Variants in EGF observed in about 807,000 individuals in gnomAD.
EGF encodes the protein epidermal growth factor.
A neutral mutation model predicts 143.8 loss-of-function variants in EGF; 95 were observed. The ratio of observed to expected loss-of-function variants is 0.66; its 90% CI spans 0.56 to 0.78. The LOEUF (loss-of-function observed/expected upper bound fraction) is 0.78, where lower values mean the gene tolerates loss of function less well. Ranked by LOEUF, EGF falls within the 30% of genes least tolerant of loss-of-function variation. The pLI is 0.00. For missense variants in EGF, 1,320 were observed against 1,470.9 expected, an observed-to-expected ratio of 0.90 and a Z score of 1.68; for synonymous variants, 510 against 510.5, an observed-to-expected ratio of 1.00 and a Z score of 0.01.
At chr4:109,924,165 A>G (rs1738252858) in intron 1 of EGF, among the ~76,000 whole-genome samples, 1 of 151,650 alleles carries the variant, frequency 6.6e-6, no homozygotes, top group South Asian at 2.1e-4. Flanking sequence ...GCTTCTTATT[A>G]TGGATGAGAG....
chr4:109,976,649 A>AT (rs1271131020), intron 13 of EGF, among the ~76,000 whole-genome samples: 1 of 152,160 alleles, frequency 6.6e-6, no homozygotes. Flanking sequence ...TTATTTTCAG[A>AT]TTTTACATGG....
chr4:109,980,173 G>A (rs1257510606), intron 14 of EGF, 34 bp downstream of exon 14: 3 of 1,551,096 alleles, frequency 1.9e-6, no homozygotes, highest in African/African-American at 2.8e-5. Flanking sequence ...GTCTTTCCTT[G>A]GCTGGAATCT....
chr4:109,940,871 G>T, intron 1 of EGF, 75 bp from the exon 2 acceptor site: 1 of 1,401,460 alleles, frequency 7.1e-7, no homozygotes. Context: ...TGTGTTGGTT[G>T]TCATTGGGAA....
chr4:109,918,917 A>G (rs1737187730), intron 1 of EGF, among the ~76,000 whole-genome samples: 2 of 152,060 alleles, frequency 1.3e-5, no homozygotes, highest in Non-Finnish European at 2.9e-5. Flanking sequence ...CTTCCACCAC[A>G]TGAGCGAAAC....
At chr4:109,936,491 C>T (rs534307328) in intron 1 of EGF, among the ~76,000 whole-genome samples, 6 of 152,174 alleles carry the variant, frequency 3.9e-5, no homozygotes, top group South Asian at 2.1e-4. Context: ...TTCAAAAAAA[C>T]GAGTTCCTGG....
intron 8 of EGF, 32 bp downstream of exon 8, chr4:109,962,017 TG>T (rs753801779): frequency 1.2e-5 from 19 of 1,612,448 alleles, no homozygotes; most frequent in Non-Finnish European, 1.5e-5. Context: ...ACCTTTTGTT[TG>T]TTTGAAAACA....
intron 13 of EGF, among the ~76,000 whole-genome samples, chr4:109,978,074 T>G (rs184126287): frequency 2.3e-4 from 35 of 152,292 alleles, no homozygotes; most frequent in Admixed American, 2.0e-3. Flanking sequence ...GTAAGTAACA[T>G]TCCCATTATT....
chr4:110,000,247 T>C (rs1484117408), intron 21 of EGF, among the ~76,000 whole-genome samples: 1 of 115,680 alleles, frequency 8.6e-6, no homozygotes, highest in African/African-American at 3.8e-5. Flanking sequence ...CGAGACTCCG[T>C]GTCAAAAAAA....
At chr4:109,986,446 T>C (rs1750117464) in intron 16 of EGF, among the ~76,000 whole-genome samples, 1 of 152,196 alleles carries the variant, frequency 6.6e-6, no homozygotes, top group African/African-American at 2.4e-5. Context: ...CAAGCAAGCA[T>C]GAAAGGCATC....
chr4:109,946,154 C>T (rs1426153013), intron 5 of EGF, among the ~76,000 whole-genome samples: 1 of 152,186 alleles, frequency 6.6e-6, no homozygotes, highest in Non-Finnish European at 1.5e-5. Context: ...GTCCACTTCT[C>T]TTCTCTATTG....
intron 22 of EGF, among the ~76,000 whole-genome samples, chr4:110,006,955 T>C (rs1436494963): frequency 1.3e-5 from 2 of 152,174 alleles, no homozygotes; most frequent in African/African-American, 4.8e-5. Context: ...TCGGGACCTA[T>C]GTTCTTCTGA....
chr4:109,999,215 CTG>C (rs1276889954), intron 20 of EGF, among the ~76,000 whole-genome samples: 1 of 152,038 alleles, frequency 6.6e-6, no homozygotes, highest in African/African-American at 2.4e-5. Context: ...TGTTTAGAAA[CTG>C]TACACATTCT....
intron 23 of EGF, among the ~76,000 whole-genome samples, chr4:110,009,535 G>A (rs560842747): frequency 1.3e-5 from 2 of 152,106 alleles, no homozygotes; most frequent in Non-Finnish European, 2.9e-5. Context: ...AGTTAGCTGA[G>A]TACTCAGGAA....
intron 23 of EGF, among the ~76,000 whole-genome samples, chr4:110,009,257 A>G (rs1490276485): frequency 6.6e-6 from 1 of 152,226 alleles, no homozygotes; most frequent in Non-Finnish European, 1.5e-5. Context: ...TAAATAGTAT[A>G]GTATTTTATA....
At chr4:109,989,809 A>G (rs1029216161) in intron 18 of EGF, among the ~76,000 whole-genome samples, 7 of 152,080 alleles carry the variant, frequency 4.6e-5, no homozygotes, top group Non-Finnish European at 7.4e-5. Flanking sequence ...ATCTCCTTCC[A>G]GTATCGAGCA....
intron 1 of EGF, among the ~76,000 whole-genome samples, chr4:109,915,577 G>A (rs776122826): frequency 3.9e-5 from 6 of 152,180 alleles, no homozygotes; most frequent in Non-Finnish European, 8.8e-5. Flanking sequence ...CGTACTTTAC[G>A]CTCCTGGTCT....
intron 1 of EGF, among the ~76,000 whole-genome samples, chr4:109,916,390 A>G (rs556129784): frequency 6.6e-6 from 1 of 152,146 alleles, no homozygotes; most frequent in Non-Finnish European, 1.5e-5. Flanking sequence ...TAAATTTTGG[A>G]GACAGATTTC....
Position 109,920,875 on chromosome 4 carries a change from A to G in EGF, c.127+7413A>G, listed in dbSNP as rs190582471. On this transcript the variant is annotated intron_variant, in intron 1 of 23. Coordinates refer to ENST00000265171, the MANE Select transcript of EGF (RefSeq NM_001963.6). Reference sequence around the variant, plus strand: ...TGCCTAGATATTAGGTGAACTAAGAACTAGATTCACTTTGTAGAGATTCTT... The same window carrying G: ...TGCCTAGATATTAGGTGAACTAAGAGCTAGATTCACTTTGTAGAGATTCTT... Among the ~76,000 whole-genome samples the G allele has an allele frequency of 7.9e-5, 12 of 151,748 alleles. No homozygotes were observed. The East Asian group carries it at 2.1e-3, about 27-fold the overall frequency.
intron 22 of EGF, among the ~76,000 whole-genome samples, chr4:110,004,866 G>A (rs1753048925): frequency 6.6e-6 from 1 of 151,698 alleles, no homozygotes; most frequent in Non-Finnish European, 1.5e-5. Context: ...ATAAATTTTT[G>A]GAATTTTTTT....
Sources: gnomAD v4.1 joint callset for allele counts (sites outside exome capture counted in the v4.1 genomes callset) on GRCh38, gnomAD v4.1.1 for gene constraint, MANE v1.5 for transcripts, NCBI Gene and HGNC (gene_info 2026-07-23, HGNC 2026-07-21) for gene names.